Variants in C10orf88 observed in about 807,000 individuals in gnomAD.
C10orf88 encodes ATPase PAAT.
Under a neutral mutation model 34.2 loss-of-function variants are expected in C10orf88, and 29 were observed. The observed-to-expected ratio is 0.85, with a 90% CI of 0.63 to 1.16. C10orf88 has a LOEUF of 1.16. C10orf88 is among the 50% of genes most tolerant of loss of function. The pLI is 0.00. For synonymous variants in C10orf88, 194 were observed against 197.4 expected (o/e 0.98, Z 0.15); for missense variants, 507 against 533.2 (o/e 0.95, Z 0.48).
chr10:122,953,897 C>T, intron 1 of C10orf88, 118 bp downstream of exon 1: 1 of 976,908 alleles, frequency 1.0e-6, no homozygotes, highest in Non-Finnish European at 1.3e-6. Context: ...AACTAGAGAC[C>T]TGGTACCAAC....
intron 5 of C10orf88, among the ~76,000 whole-genome samples, chr10:122,936,552 T>C (rs1848535174): frequency 6.6e-6 from 1 of 151,932 alleles, no homozygotes; most frequent in Admixed American, 6.6e-5. Context: ...CTATTCAGAT[T>C]ATTTTATTTT....
chr10:122,947,082 C>A (rs189124986), intron 4 of C10orf88, among the ~76,000 whole-genome samples: 1 of 152,002 alleles, frequency 6.6e-6, no homozygotes, highest in East Asian at 1.9e-4. Context: ...AGGTCATTCT[C>A]GGTACATTGT....
chr10:122,949,328 G>T (rs1223464477), intron 3 of C10orf88, among the ~76,000 whole-genome samples: 1 of 152,106 alleles, frequency 6.6e-6, no homozygotes, highest in African/African-American at 2.4e-5. Context: ...CATAATAAAA[G>T]TTATGTGAAT....
rs866090688 is a variant in C10orf88 at position 122,932,508 on chromosome 10, CA to C, written c.1256del (p.Leu419ArgfsTer13). ...CAGTGGGCGGGGAGTTAGGATTTTG[CA>C]GCAAATCCAGTAACAAAGCAATCTT... The part of the protein sequence containing the change: ...DDKIALLLDL[L>X]QNPNSPPTGI... On this transcript the variant is annotated frameshift_variant, in exon 6 of 6. Transcript: ENST00000481909. LOFTEE classifies it high-confidence loss of function. 5 of 1,613,964 alleles carry C rather than the reference CA, an allele frequency of 3.1e-6. No individual in the cohort carries two copies. Among genetic ancestry groups the C allele is most frequent in the Admixed American group, 1.7e-5 (1 of 60,004 alleles).
At chr10:122,948,156 C>T (rs1848656443) in intron 4 of C10orf88, among the ~76,000 whole-genome samples, 1 of 152,096 alleles carries the variant, frequency 6.6e-6, no homozygotes, top group Admixed American at 6.5e-5. Flanking sequence ...CATTCATTTC[C>T]CAGCTATATC....
At position 122,952,996 on chromosome 10, in the gene C10orf88, G is replaced by A. The variant is rs777476653; in HGVS notation, c.201C>T (p.Asn67=). The A allele has an allele frequency of 7.4e-6, 12 of 1,614,138 alleles. No individual in the cohort carries two copies. The highest frequency in any genetic ancestry group is 2.7e-5 in the African/African-American group (2 of 75,048). Residue 67 remains asparagine (N), a synonymous_variant, in exon 2 of 6, where the codon AAC becomes AAT. Transcript: ENST00000481909. Reference sequence around the variant, plus strand: ...AAAGGAAGCAGGGGTTTTCATCTTTGTTGTTGTGGTTTCTCTTCAAAATCA... The same window carrying A: ...AAAGGAAGCAGGGGTTTTCATCTTTATTGTTGTGGTTTCTCTTCAAAATCA... ...DLVILKRNHN[N]KDENPCFLYL...
At chr10:122,946,725 C>T (rs1848644300) in intron 4 of C10orf88, among the ~76,000 whole-genome samples, 1 of 152,008 alleles carries the variant, frequency 6.6e-6, no homozygotes. Flanking sequence ...CTACTTTACA[C>T]TGGTTGGCTA....
chr10:122,935,310 ATT>A (rs1162923022), intron 5 of C10orf88, among the ~76,000 whole-genome samples: 1 of 152,042 alleles, frequency 6.6e-6, no homozygotes, highest in African/African-American at 2.4e-5. Context: ...TCTATAAGTA[ATT>A]TTGTGTTAAT....
chr10:122,937,285 T>C (rs1166948292), intron 5 of C10orf88, among the ~76,000 whole-genome samples: 1 of 152,064 alleles, frequency 6.6e-6, no homozygotes, highest in Non-Finnish European at 1.5e-5. Context: ...AGTTTTTTAA[T>C]AATCAGGAAT....
chr10:122,951,561 T>TA (rs56939616), intron 3 of C10orf88, among the ~76,000 whole-genome samples: 2,524 of 146,002 alleles, frequency 0.017, 32 homozygotes, highest in East Asian at 0.072. Flanking sequence ...GTGAAAAATT[T>TA]AAAAAAAAAA....
At chr10:122,953,406 T>A (rs570519060) in intron 1 of C10orf88, among the ~76,000 whole-genome samples, 20 of 152,228 alleles carry the variant, frequency 1.3e-4, no homozygotes, top group African/African-American at 4.1e-4. Flanking sequence ...TCACTTCCAC[T>A]TGCCCTTGAG....
rs569688299 is a variant in C10orf88, at chr10:122,930,956, G to C, written c.*1471C>G. ...ATCGCCACTGAATTGAGAAGCAGGA[G>C]TATGGCTCACAAATCAACTTTTCAA... On this transcript the variant is annotated 3_prime_UTR_variant, in exon 6 of 6. Coordinates refer to ENST00000481909, the MANE Select transcript of C10orf88 (RefSeq NM_024942.4). 10 of 152,308 alleles carry C rather than the reference G, an allele frequency of 6.6e-5. No individual in the cohort carries two copies. Among genetic ancestry groups the C allele is most frequent in the Admixed American group, 2.6e-4 (4 of 15,298 alleles). The allele number at this position is 152,308 out of a possible 1,614,324, so 9.4% of individuals were successfully genotyped here.
At chr10:122,933,206 C>A (rs945045340) in intron 5 of C10orf88, among the ~76,000 whole-genome samples, 1 of 152,264 alleles carries the variant, frequency 6.6e-6, no homozygotes, top group South Asian at 2.1e-4. Context: ...TCAGGGCAGG[C>A]ACGGTGGCTC....
rs759553397 is a variant in C10orf88, at chr10:122,954,165, G to C, written c.14C>G (p.Thr5Ser). 4 of 1,572,228 alleles carry C rather than the reference G, an allele frequency of 2.5e-6. No individual in the cohort carries two copies. The highest frequency in any genetic ancestry group is 3.4e-6 in the Non-Finnish European group (4 of 1,165,102). Residue 5 changes from threonine to serine, a missense_variant, in exon 1 of 6, where the codon ACC becomes AGC. Transcript: ENST00000481909. METR[T>S]EDGGLTRRPT... ...GCGGCGGGTGAGGCCCCCGTCCTCG[G>C]TCCGCGTCTCCATTCCGCCGCCTTC...
In C10orf88 at chr10:122,932,582, C is replaced by A. The variant is rs753704600; in HGVS notation, c.1183G>T (p.Asp395Tyr). 1 of 1,613,816 alleles carries A rather than the reference C, an allele frequency of 6.2e-7. No individual in the cohort carries two copies. The highest frequency in any genetic ancestry group is 1.1e-5 in the South Asian group (1 of 91,062). ...TCATGTATTCGCTGATCAATGTAAT[C>A]CATAAGTTTCTTTTCCATCAGTTCC... ...NMELMEKKLM[D>Y]YIDQRIHELQ... The change falls in exon 6 of 6, where the codon GAT (aspartate) becomes TAT (tyrosine). Residue 395 changes from aspartate (D) to tyrosine (Y), a missense_variant. Transcript: ENST00000481909.
chr10:122,953,871 C>T, intron 1 of C10orf88, 144 bp downstream of exon 1: 1 of 533,270 alleles, frequency 1.9e-6, no homozygotes, highest in Non-Finnish European at 2.8e-6. Context: ...CGGACGACCT[C>T]GCAGCTCCCC....
At chr10:122,935,043 G>C (rs2133327815) in intron 5 of C10orf88, among the ~76,000 whole-genome samples, 1 of 152,086 alleles carries the variant, frequency 6.6e-6, no homozygotes, top group East Asian at 1.9e-4. Context: ...AGAGTTTTGA[G>C]AGTTCTTTAT....
chr10:122,948,907 T>G, intron 3 of C10orf88, 52 bp from the exon 4 acceptor site: 1 of 1,495,620 alleles, frequency 6.7e-7, no homozygotes, highest in South Asian at 1.2e-5. Context: ...ACAATAATCA[T>G]TTAATGTAAC....
intron 1 of C10orf88, among the ~76,000 whole-genome samples, chr10:122,953,809 G>A (rs1004488449): frequency 2.6e-5 from 4 of 151,598 alleles, no homozygotes; most frequent in Admixed American, 2.0e-4. Flanking sequence ...CCCCTCTCAC[G>A]CCCAGGAGCC....
Sources: gnomAD v4.1 joint callset for allele counts (sites outside exome capture counted in the v4.1 genomes callset) on GRCh38, gnomAD v4.1.1 for gene constraint, MANE v1.5 for transcripts, NCBI Gene and HGNC (gene_info 2026-07-23, HGNC 2026-07-21) for gene names.